Variants in CEP85L observed in about 807,000 individuals in gnomAD.
The protein encoded by CEP85L is centrosomal protein 85L.
Under a neutral mutation model 100.3 loss-of-function variants are expected in CEP85L, and 60 were observed. That is an observed-to-expected ratio of 0.60 (90% CI 0.49 to 0.74). The LOEUF is 0.74. Ranked by LOEUF, CEP85L falls within the 30% of genes least tolerant of loss-of-function variation. The pLI is 0.00. For synonymous variants in CEP85L, 319 were observed against 322.7 expected (o/e 0.99, Z 0.12); for missense variants, 973 against 936.2 (o/e 1.04, Z -0.51).
At chr6:118,544,764 C>A (rs767982196) in intron 3 of CEP85L, among the ~76,000 whole-genome samples, 1 of 152,108 alleles carries the variant, frequency 6.6e-6, no homozygotes, top group African/African-American at 2.4e-5. Flanking sequence ...CCCAAATGAC[C>A]CCTAAGCTTT....
Position 118,590,044 on chromosome 6 carries a change from TAC to T in CEP85L, c.233-23730_233-23729del, listed in dbSNP as rs58587419. ...GTTTCAGATTTTTTTTCTCTGCATT[TAC>T]ACACACACACACACACACACACATA... On this transcript the variant is annotated intron_variant, in intron 2 of 12. Transcript: ENST00000368491. Among the ~76,000 whole-genome samples, 627 of 149,852 alleles carry T rather than the reference TAC, an allele frequency of 4.2e-3. 2 individuals are homozygous for T. Among genetic ancestry groups the T allele is most frequent in the African/African-American group, 0.01 (422 of 40,818 alleles).
chr6:118,551,044 C>T (rs929960442), intron 3 of CEP85L, among the ~76,000 whole-genome samples: 2 of 151,878 alleles, frequency 1.3e-5, no homozygotes, highest in Admixed American at 1.3e-4. Context: ...TGTTTCATTG[C>T]TAAAATACTC....
At chr6:118,468,895 A>G (rs559872497) in intron 12 of CEP85L, among the ~76,000 whole-genome samples, 177 bp downstream of exon 12, 58 of 152,348 alleles carry the variant, frequency 3.8e-4, no homozygotes, top group Admixed American at 7.2e-4. Context: ...AATGTCAGCT[A>G]TAACCCTACT....
intron 2 of CEP85L, among the ~76,000 whole-genome samples, chr6:118,592,503 T>C (rs1781248086): frequency 6.6e-6 from 1 of 151,954 alleles, no homozygotes; most frequent in African/African-American, 2.4e-5. Flanking sequence ...TAATTCACTG[T>C]CATATCTGGA....
At chr6:118,603,771 C>T (rs141565385) in intron 2 of CEP85L, among the ~76,000 whole-genome samples, 169 of 152,302 alleles carry the variant, frequency 1.1e-3, no homozygotes, top group African/African-American at 3.9e-3. Flanking sequence ...ATGTCATAAT[C>T]TCCAAAGCTA....
chr6:118,536,597 T>C (rs1449325803), intron 3 of CEP85L, among the ~76,000 whole-genome samples: 1 of 152,188 alleles, frequency 6.6e-6, no homozygotes, highest in Admixed American at 6.5e-5. Context: ...GCACTATAGA[T>C]GACAGAATGC....
rs372944024 is a variant in CEP85L at position 118,491,713 on chromosome 6, A to C, written c.1410T>G (p.Ser470Arg). The C allele has an allele frequency of 3.1e-6, 5 of 1,612,526 alleles. No individual in the cohort carries two copies. The African/African-American group carries it at 6.7e-5, about 22-fold the overall frequency. ...EFLKQRLSLFSEEKKKLEEKL... is the reference protein window; with the variant it reads ...EFLKQRLSLFREEKKKLEEKL... ...TTTCCTCTAGTTTCTTCTTCTCTTC[A>C]CTAAATAGGCTTAGTCTTTGTTTGA... The change falls in exon 6 of 13, where the codon AGT becomes AGG. Residue 470 changes from serine (S) to arginine (R), a missense_variant. By Grantham distance (110) the Ser-to-Arg change is moderately radical. Transcript: ENST00000368491.
chr6:118,706,822 C>T (rs1418709360), intron 1 of CEP85L, among the ~76,000 whole-genome samples: 1 of 152,174 alleles, frequency 6.6e-6, no homozygotes, highest in Non-Finnish European at 1.5e-5. Flanking sequence ...TCCTCTTCCA[C>T]TTCTCGCTTA....
intron 2 of CEP85L, among the ~76,000 whole-genome samples, chr6:118,600,881 C>A (rs1324838438): frequency 6.6e-6 from 1 of 151,628 alleles, no homozygotes; most frequent in Admixed American, 6.6e-5. Context: ...TGCCATCTTA[C>A]CCTAGAAATT....
intron 2 of CEP85L, among the ~76,000 whole-genome samples, chr6:118,605,181 G>A (rs529937997): frequency 6.6e-6 from 1 of 152,108 alleles, no homozygotes; most frequent in Admixed American, 6.5e-5. Context: ...AAAATTAAGG[G>A]TGCCATTTTA....
intron 2 of CEP85L, among the ~76,000 whole-genome samples, chr6:118,569,819 C>A (rs1779778712): frequency 6.6e-6 from 1 of 150,750 alleles, no homozygotes. Flanking sequence ...TTAAAATAGG[C>A]CAAAAAAATT....
intron 1 of CEP85L, among the ~76,000 whole-genome samples, chr6:118,705,092 C>A (rs1051868158): frequency 6.6e-6 from 1 of 152,136 alleles, no homozygotes; most frequent in African/African-American, 2.4e-5. Context: ...CAATTCAGAA[C>A]ATCAGCCGGA....
intron 1 of CEP85L, among the ~76,000 whole-genome samples, chr6:118,684,862 G>C (rs1776782629): frequency 6.6e-6 from 1 of 151,992 alleles, no homozygotes; most frequent in South Asian, 2.1e-4. Context: ...ATGTTGCCCA[G>C]GCTGGTCCTG....
intron 5 of CEP85L, among the ~76,000 whole-genome samples, chr6:118,498,163 A>C (rs1420166435): frequency 6.6e-6 from 1 of 152,174 alleles, no homozygotes; most frequent in Non-Finnish European, 1.5e-5. Flanking sequence ...GAAGTGTAAT[A>C]AAGTAGAAAG....
chr6:118,656,217 A>C (rs1198483372), upstream of CEP85L, among the ~76,000 whole-genome samples: 1 of 152,230 alleles, frequency 6.6e-6, no homozygotes, highest in East Asian at 1.9e-4. Context: ...TGGGCACTCA[A>C]ACAGGAAAAA....
chr6:118,687,987 C>T lies in CEP85L; in HGVS notation c.-28+22049G>A, dbSNP rs866340030. ...CCTGCGGCTTCTGATAGAGCTATAA[C>T]ACTCACCGCATGGCCCAAGATTCCA... On this transcript the variant is annotated intron_variant, in intron 1 of 13. Transcript: ENST00000368488. Among the ~76,000 whole-genome samples, 6 of 152,166 alleles carry T rather than the reference C, an allele frequency of 3.9e-5. No homozygotes were observed. In the South Asian group the frequency reaches 1.2e-3, roughly 32 times the overall value.
chr6:118,610,188 A>G (rs903673044), intron 2 of CEP85L, among the ~76,000 whole-genome samples: 2 of 152,214 alleles, frequency 1.3e-5, no homozygotes, highest in Non-Finnish European at 2.9e-5. Flanking sequence ...GGTTGTACAG[A>G]TAACTATAAT....
intron 1 of CEP85L, among the ~76,000 whole-genome samples, chr6:118,695,505 A>G (rs767447182): frequency 4.6e-5 from 7 of 152,170 alleles, no homozygotes; most frequent in Non-Finnish European, 8.8e-5. Flanking sequence ...CCACTCCAAG[A>G]CTTCCCAATT....
chr6:118,594,607 G>A (rs575427093), intron 2 of CEP85L, among the ~76,000 whole-genome samples: 16 of 152,048 alleles, frequency 1.1e-4, no homozygotes, highest in African/African-American at 3.6e-4. Flanking sequence ...GGTGGCTCAC[G>A]CCTGTAATCC....
Sources: allele counts gnomAD v4.1 joint callset (sites outside exome capture counted in the v4.1 genomes callset), GRCh38; gene constraint gnomAD v4.1.1; transcripts MANE v1.5; gene names NCBI Gene and HGNC (gene_info 2026-07-23, HGNC 2026-07-21).